The following LCLAT1 variants were observed in gnomAD, a reference collection of about 807,000 sequenced individuals.
LCLAT1 encodes the protein 1-AGP acyltransferase 8.
Under a neutral mutation model 30.7 loss-of-function variants are expected in LCLAT1, and 11 were observed. That is an observed-to-expected ratio of 0.36 (90% CI 0.23 to 0.59). LCLAT1 has a LOEUF of 0.59. Among genes scored for constraint, LCLAT1 ranks in the 20% least tolerant of loss-of-function variants. LCLAT1 has a pLI of 0.77. For missense variants in LCLAT1, 402 were observed against 458.6 expected (o/e 0.88, Z 1.13); for synonymous variants, 155 against 151.3 (o/e 1.02, Z -0.18).
rs183825850 is a variant in LCLAT1, at chr2:30,477,444, A to G, written c.-5+30061A>G. 6.5e-3 allele frequency among the ~76,000 whole-genome samples: 983 copies of G among 152,318 alleles called. 15 individuals carry two copies. The highest frequency in any genetic ancestry group is 0.022 in the African/African-American group (931 of 41,560). On this transcript the variant is annotated intron_variant, in intron 1 of 5. Coordinates refer to ENST00000379509, the MANE Select transcript of LCLAT1 (RefSeq NM_001002257.3). The stretch of plus-strand genomic sequence containing the variant: ...AGAAAGGAATATTATATTGTGATAT[A>G]TAAGGTAGGTCATTCTCATTTCTGG...
At chr2:30,580,457 A>G (rs1387877251) in intron 5 of LCLAT1, among the ~76,000 whole-genome samples, 1 of 152,160 alleles carries the variant, frequency 6.6e-6, no homozygotes, top group Non-Finnish European at 1.5e-5. Flanking sequence ...GAGAGGGAAT[A>G]GTTTCACAGG....
At chr2:30,596,072 A>G (rs995912016) in intron 5 of LCLAT1, among the ~76,000 whole-genome samples, 2 of 152,102 alleles carry the variant, frequency 1.3e-5, no homozygotes, top group Non-Finnish European at 2.9e-5. Flanking sequence ...TGTCTTTGCT[A>G]TTGTGACTAG....
intron 5 of LCLAT1, among the ~76,000 whole-genome samples, chr2:30,589,302 A>G (rs1666586037): frequency 1.3e-5 from 2 of 152,214 alleles, no homozygotes; most frequent in Admixed American, 6.5e-5. Flanking sequence ...GGGGAGTTGT[A>G]TATGACACAA....
At chr2:30,478,187 A>G (rs1194659553) in intron 1 of LCLAT1, among the ~76,000 whole-genome samples, 2 of 152,030 alleles carry the variant, frequency 1.3e-5, no homozygotes, top group Non-Finnish European at 2.9e-5. Context: ...ATAAATCATT[A>G]TTTGAAGTTA....
At chr2:30,460,755 G>C (rs1466462005) in intron 1 of LCLAT1, among the ~76,000 whole-genome samples, 3 of 152,112 alleles carry the variant, frequency 2.0e-5, no homozygotes, top group African/African-American at 7.2e-5. Flanking sequence ...AGAGACCTTG[G>C]AACTTTTAGC....
chr2:30,462,916 A>C (rs1442026535), intron 1 of LCLAT1, among the ~76,000 whole-genome samples: 1 of 152,104 alleles, frequency 6.6e-6, no homozygotes, highest in Admixed American at 6.5e-5. Context: ...GATAGTTTTA[A>C]AAAGTCTTCT....
At chr2:30,615,203 G>A (rs550810149) in intron 5 of LCLAT1, among the ~76,000 whole-genome samples, 1 of 152,050 alleles carries the variant, frequency 6.6e-6, no homozygotes, top group Non-Finnish European at 1.5e-5. Context: ...GAATTGCTGG[G>A]GCTCTGTTCC....
At chr2:30,494,443 C>T (rs564393169) in intron 1 of LCLAT1, among the ~76,000 whole-genome samples, 21 of 152,100 alleles carry the variant, frequency 1.4e-4, no homozygotes, top group Non-Finnish European at 2.9e-4. Context: ...TCATATTCTT[C>T]GTAAGTGAAA....
chr2:30,617,994 A>G (rs1359289342), intron 5 of LCLAT1, among the ~76,000 whole-genome samples: 1 of 152,056 alleles, frequency 6.6e-6, no homozygotes, highest in Non-Finnish European at 1.5e-5. Context: ...TTTAATTTTG[A>G]CAAAGTACAG....
intron 1 of LCLAT1, among the ~76,000 whole-genome samples, chr2:30,519,610 A>G (rs1274771020): frequency 6.6e-6 from 1 of 152,164 alleles, no homozygotes; most frequent in Non-Finnish European, 1.5e-5. Context: ...CTCAGCTCAC[A>G]CCTGACCAGT....
intron 5 of LCLAT1, among the ~76,000 whole-genome samples, chr2:30,610,213 T>C (rs532055984): frequency 1.8e-4 from 28 of 152,200 alleles, no homozygotes; most frequent in African/African-American, 6.7e-4. Flanking sequence ...GTTTCCTTAA[T>C]AAACCCTGTG....
intron 5 of LCLAT1, among the ~76,000 whole-genome samples, chr2:30,635,301 A>G (rs868207183): frequency 6.6e-6 from 1 of 151,594 alleles, no homozygotes; most frequent in Non-Finnish European, 1.5e-5. Flanking sequence ...CTCCTTGTAT[A>G]AAAGCCATTC....
intron 3 of LCLAT1, among the ~76,000 whole-genome samples, chr2:30,537,109 C>T (rs1038056930): frequency 4.6e-5 from 7 of 152,160 alleles, no homozygotes; most frequent in African/African-American, 1.2e-4. Context: ...TGGCCGGGCG[C>T]GGTGGCTCAC....
At chr2:30,609,518 A>G (rs1667630414) in intron 5 of LCLAT1, among the ~76,000 whole-genome samples, 1 of 152,150 alleles carries the variant, frequency 6.6e-6, no homozygotes, top group African/African-American at 2.4e-5. Flanking sequence ...ATTCATGAGA[A>G]TGGCTTTGAA....
chr2:30,522,136 A>G (rs963715003), intron 1 of LCLAT1, among the ~76,000 whole-genome samples: 1 of 152,288 alleles, frequency 6.6e-6, no homozygotes, highest in African/African-American at 2.4e-5. Flanking sequence ...TTTGGTAATT[A>G]TGAATAATGC....
In LCLAT1 at chr2:30,484,465, CTT is replaced by C. The variant is rs1683469039; in HGVS notation, c.-5+37085_-5+37086del. Among the ~76,000 whole-genome samples the C allele has an allele frequency of 2.6e-5, 4 of 152,118 alleles. No homozygotes were observed. The South Asian group carries it at 8.3e-4, about 32-fold the overall frequency. ...GTACCATGTGATTCTAGTTTTGAGA[CTT>C]TTAAATTTTGGGGGTTTTCTCAGTT... On this transcript the variant is annotated intron_variant, in intron 1 of 5. Coordinates refer to ENST00000379509, the MANE Select transcript of LCLAT1 (RefSeq NM_001002257.3).
chr2:30,448,888 T>C (rs2148248075), intron 1 of LCLAT1, among the ~76,000 whole-genome samples: 1 of 152,298 alleles, frequency 6.6e-6, no homozygotes, highest in African/African-American at 2.4e-5. Context: ...AACAATCTCA[T>C]TGCACTGTTG....
intron 1 of LCLAT1, chr2:30,476,371 A>G (rs780998766): frequency 1.9e-4 from 89 of 456,530 alleles, no homozygotes; most frequent in Non-Finnish European, 3.8e-4. Flanking sequence ...GAATGGCAGG[A>G]CAGCAATCAA....
At chr2:30,511,926 T>C (rs1684958999) in intron 1 of LCLAT1, among the ~76,000 whole-genome samples, 1 of 152,238 alleles carries the variant, frequency 6.6e-6, no homozygotes, top group Admixed American at 6.5e-5. Flanking sequence ...CAGCAGTACC[T>C]GATGCTTCCG....
Sources: allele counts gnomAD v4.1 joint callset (sites outside exome capture counted in the v4.1 genomes callset), GRCh38; gene constraint gnomAD v4.1.1; transcripts MANE v1.5; gene names NCBI Gene and HGNC (gene_info 2026-07-23, HGNC 2026-07-21).